The following CSMD3 variants were observed in gnomAD, a reference collection of about 807,000 sequenced individuals.
CSMD3 encodes the protein CUB and Sushi multiple domains 3.
CSMD3 carries 177 observed loss-of-function variants against 435.2 expected under a neutral mutation model. That is an observed-to-expected ratio of 0.41 (90% CI 0.36 to 0.46). The LOEUF (loss-of-function observed/expected upper bound fraction) is 0.46, where lower values mean the gene tolerates loss of function less well. CSMD3 is among the 20% of genes least tolerant of loss of function. CSMD3 has a pLI of 0.34. For missense variants in CSMD3, 4,265 were observed against 4,504.6 expected (o/e 0.95, Z 1.52); for synonymous variants, 1,656 against 1,520.5 (o/e 1.09, Z -2.07).
rs2094245149 is a variant in CSMD3, at chr8:113,358,119, A to T, written c.179-43326T>A. On this transcript the variant is annotated intron_variant, in intron 1 of 70. Coordinates refer to ENST00000297405, the MANE Select transcript of CSMD3 (RefSeq NM_198123.2). ...GATATTTTGCACAATGTAAGCACCA[A>T]TATAATATTGTAATGTGTTTATTTG... Among the ~76,000 whole-genome samples, 5 of 152,218 alleles carry T rather than the reference A, an allele frequency of 3.3e-5. No individual in the cohort carries two copies. In the South Asian group the frequency reaches 1.0e-3, roughly 31 times the overall value.
intron 19 of CSMD3, among the ~76,000 whole-genome samples, chr8:112,646,493 C>T (rs980505088): frequency 3.9e-5 from 6 of 152,074 alleles, no homozygotes; most frequent in African/African-American, 1.4e-4. Context: ...GTCAAGTATC[C>T]TACTTCTTGA....
chr8:113,025,884 A>G (rs2086857771), intron 5 of CSMD3, among the ~76,000 whole-genome samples: 1 of 152,182 alleles, frequency 6.6e-6, no homozygotes, highest in African/African-American at 2.4e-5. Context: ...GGCTCCAAGT[A>G]GCCAGGTTTT....
intron 11 of CSMD3, among the ~76,000 whole-genome samples, chr8:112,853,658 T>C (rs2080561777): frequency 6.6e-6 from 1 of 152,254 alleles, no homozygotes; most frequent in Admixed American, 6.5e-5. Context: ...TAAAAAAGGA[T>C]ATCTGGATTT....
chr8:112,805,349 C>G (rs562944020), intron 12 of CSMD3, among the ~76,000 whole-genome samples: 1 of 152,196 alleles, frequency 6.6e-6, no homozygotes, highest in East Asian at 1.9e-4. Context: ...ACTTTGGGCC[C>G]TAGCAAGTGG....
chr8:112,393,345 C>G (rs1830597942), intron 35 of CSMD3, among the ~76,000 whole-genome samples: 1 of 152,156 alleles, frequency 6.6e-6, no homozygotes, highest in South Asian at 2.1e-4. Context: ...GTCCCCTTCT[C>G]TCACCTAGCT....
At chr8:112,454,004 T>A (rs1448204582) in intron 32 of CSMD3, among the ~76,000 whole-genome samples, 1 of 152,100 alleles carries the variant, frequency 6.6e-6, no homozygotes, top group African/African-American at 2.4e-5. Context: ...GGGAAAATAA[T>A]TCTCTAATCA....
At chr8:112,861,276 A>C (rs1390801067) in intron 10 of CSMD3, among the ~76,000 whole-genome samples, 4 of 151,864 alleles carry the variant, frequency 2.6e-5, no homozygotes, top group African/African-American at 4.8e-5. Context: ...TCTAAAACAC[A>C]GATTTAATTA....
rs112573160 is a variant in CSMD3, at chr8:113,107,142, C to T, written c.710-8179G>A. Among the ~76,000 whole-genome samples, 578 of 152,294 alleles carry T rather than the reference C, an allele frequency of 3.8e-3. 3 individuals are homozygous for T. The highest frequency in any genetic ancestry group is 0.013 in the African/African-American group (542 of 41,578). ...CTGCCAAAGCTATGCCATTAAAAGG[C>T]ACTACAGCAAAGAGCATCATGCAAG... On this transcript the variant is annotated intron_variant, in intron 4 of 70. Transcript: ENST00000297405.
chr8:112,665,773 T>C (rs1369568806), intron 17 of CSMD3, among the ~76,000 whole-genome samples: 1 of 152,098 alleles, frequency 6.6e-6, no homozygotes. Context: ...ATTTGATCAG[T>C]AATACTAATT....
chr8:112,703,689 T>A (rs1474210876), intron 13 of CSMD3, among the ~76,000 whole-genome samples: 1 of 152,132 alleles, frequency 6.6e-6, no homozygotes, highest in Non-Finnish European at 1.5e-5. Context: ...TGATTCTTAA[T>A]GTTAAGAAGC....
chr8:113,022,229 G>A (rs960847130), intron 5 of CSMD3, among the ~76,000 whole-genome samples: 2 of 152,028 alleles, frequency 1.3e-5, no homozygotes, highest in African/African-American at 4.8e-5. Context: ...AATTACTAAA[G>A]GAGATATTCT....
At chr8:113,308,328 G>C (rs2093839137) in intron 2 of CSMD3, among the ~76,000 whole-genome samples, 1 of 133,786 alleles carries the variant, frequency 7.5e-6, no homozygotes, top group African/African-American at 3.0e-5. Flanking sequence ...GAGTGCAGTG[G>C]CGCGATCTCG....
chr8:112,961,936 A>G (rs2084246686), intron 7 of CSMD3, among the ~76,000 whole-genome samples: 1 of 151,944 alleles, frequency 6.6e-6, no homozygotes, highest in Non-Finnish European at 1.5e-5. Context: ...TGGGATTTTT[A>G]TATTCTCTTT....
chr8:112,396,749 A>T (rs1044585664), intron 35 of CSMD3, among the ~76,000 whole-genome samples: 2 of 152,208 alleles, frequency 1.3e-5, no homozygotes, highest in African/African-American at 4.8e-5. Context: ...AAGAGGGACA[A>T]TTAAGACAGA....
intron 42 of CSMD3, among the ~76,000 whole-genome samples, chr8:112,341,203 G>A (rs1247277625): frequency 6.6e-6 from 1 of 151,896 alleles, no homozygotes; most frequent in Non-Finnish European, 1.5e-5. Context: ...TATTTGCCAT[G>A]CCTTGCTTAA....
At chr8:113,258,257 T>C (rs548332522) in intron 3 of CSMD3, among the ~76,000 whole-genome samples, 1 of 152,344 alleles carries the variant, frequency 6.6e-6, no homozygotes, top group South Asian at 2.1e-4. Flanking sequence ...CAGGACTGTA[T>C]TCCATGCCAT....
chr8:112,596,275 T>C (rs984215046), intron 22 of CSMD3, among the ~76,000 whole-genome samples: 1 of 152,092 alleles, frequency 6.6e-6, no homozygotes. Flanking sequence ...AAGAAGGCCA[T>C]TACATAATGG....
At chr8:112,964,039 G>A (rs1018749137) in intron 7 of CSMD3, among the ~76,000 whole-genome samples, 1 of 151,712 alleles carries the variant, frequency 6.6e-6, no homozygotes, top group African/African-American at 2.4e-5. Flanking sequence ...TCATTTACTG[G>A]CTGTGCATCT....
At position 113,303,892 on chromosome 8, in the gene CSMD3, A is replaced by T. The variant is rs532555045; in HGVS notation, c.401+10679T>A. On this transcript the variant is annotated intron_variant, in intron 2 of 70. Coordinates refer to ENST00000297405, the MANE Select transcript of CSMD3 (RefSeq NM_198123.2). The stretch of plus-strand genomic sequence containing the variant: ...CCAAAACACCAAAAGCAATGGCAAC[A>T]AAAGACAAAATTGAAAAATGGGATC... Among the ~76,000 whole-genome samples, 411 of 137,858 alleles carry T rather than the reference A, an allele frequency of 3.0e-3. 9 individuals carry two copies. Among genetic ancestry groups the T allele is most frequent in the African/African-American group, 0.01 (382 of 37,822 alleles). The allele number at this position is 137,858 out of a possible 152,430, so 90.4% of individuals were successfully genotyped here. A position where few individuals can be genotyped will look rare whatever the true frequency, so the allele number is the denominator to read the frequency against.
Sources: gnomAD v4.1 joint callset for allele counts (sites outside exome capture counted in the v4.1 genomes callset) on GRCh38, gnomAD v4.1.1 for gene constraint, MANE v1.5 for transcripts, NCBI Gene and HGNC (gene_info 2026-07-23, HGNC 2026-07-21) for gene names.